SMAD2: variants seen among roughly 807,000 people sequenced by gnomAD.
The protein encoded by SMAD2 is MAD homolog 2.
In SMAD2, 8 loss-of-function variants were observed where a neutral mutation model predicts 64.4. The ratio of observed to expected loss-of-function variants is 0.12; its 90% CI spans 0.07 to 0.22. The LOEUF (loss-of-function observed/expected upper bound fraction) is 0.22, where lower values mean the gene tolerates loss of function less well. Ranked by LOEUF, SMAD2 falls within the 10% of genes least tolerant of loss-of-function variation. The pLI is 1.00. For missense variants in SMAD2, 289 were observed against 561.2 expected, an observed-to-expected ratio of 0.51 and a Z score of 4.90; for synonymous variants, 203 against 195.8, an observed-to-expected ratio of 1.04 and a Z score of -0.31.
At chr18:47,850,291 G>A (rs1293280691) in intron 7 of SMAD2, among the ~76,000 whole-genome samples, 2 of 42,136 alleles carry the variant, frequency 4.7e-5, no homozygotes, top group Non-Finnish European at 7.5e-5. Context: ...TATATATTAT[G>A]TATAATATAT....
In SMAD2 at chr18:47,824,279, G is replaced by T. The variant is rs115597957; in HGVS notation, c.*17548C>A. 222 of 152,274 alleles carry T rather than the reference G, an allele frequency of 1.5e-3. No individual in the cohort carries two copies. The highest frequency in any genetic ancestry group is 5.0e-3 in the African/African-American group (208 of 41,536). The allele number at this position is 152,274 out of a possible 1,614,324, so 9.4% of individuals were successfully genotyped here. A position where few individuals can be genotyped will look rare whatever the true frequency, so the allele number is the denominator to read the frequency against. ...AAGTCCATGAAGAGAGGGATTTTAC[G>T]CACTACCTCAAAGACCCAGAAGAAA... On this transcript the variant is annotated 3_prime_UTR_variant, in exon 11 of 11. Transcript: ENST00000262160.
chr18:47,896,784 T>G lies in SMAD2; in HGVS notation c.-28A>C. On this transcript the variant is annotated 5_prime_UTR_variant, in exon 2 of 11. Transcript: ENST00000262160. ...TCTTACCAAAGGCAGCAAGCCACGC[T>G]AGGAAAACAGCCTCTTGTATCGAAC... 1 of 1,608,808 alleles carries G rather than the reference T, an allele frequency of 6.2e-7. No homozygotes were observed. Among genetic ancestry groups the G allele is most frequent in the African/African-American group, 1.3e-5 (1 of 74,892 alleles).
chr18:47,873,617 T>A (rs1224467795), intron 2 of SMAD2, among the ~76,000 whole-genome samples: 1 of 152,224 alleles, frequency 6.6e-6, no homozygotes, highest in East Asian at 1.9e-4. Flanking sequence ...CTAATTCCAG[T>A]AATGGCAGAG....
chr18:47,853,585 A>G lies in SMAD2; in HGVS notation c.731-2258T>C, dbSNP rs868398015. On this transcript the variant is annotated intron_variant, in intron 6 of 10. Transcript: ENST00000262160. Reference sequence around the variant, plus strand: ...CCATCTTACACACCTCCTCCCTACCACACACTATTATAACCATGACATAAA... The same window carrying G: ...CCATCTTACACACCTCCTCCCTACCGCACACTATTATAACCATGACATAAA... 4.5e-4 allele frequency: 78 copies of G among 172,818 alleles called. 2 individuals carry two copies. The highest frequency in any genetic ancestry group is 2.3e-3 in the Middle Eastern group (1 of 436). The allele number at this position is 172,818 out of a possible 1,614,324, so 10.7% of individuals were successfully genotyped here.
intron 1 of SMAD2, among the ~76,000 whole-genome samples, chr18:47,908,790 G>A (rs1214423464): frequency 6.6e-6 from 1 of 152,172 alleles, no homozygotes; most frequent in Non-Finnish European, 1.5e-5. Context: ...CTCTGCATGA[G>A]CAGTTCTTCT....
rs1913082858 is a variant in SMAD2, at chr18:47,833,184, A to C, written c.*8643T>G. 1 of 207,814 alleles carries C rather than the reference A, an allele frequency of 4.8e-6. No homozygotes were observed. The highest frequency in any genetic ancestry group is 9.8e-6 in the Non-Finnish European group (1 of 101,548). 12.9% of individuals were successfully genotyped at this position (207,814 alleles called of 1,614,324 possible). The stretch of plus-strand genomic sequence containing the variant: ...TGACAGGGCTGTTAACACAGGTAAG[A>C]GCAAACAAGGTAAAAAGTGAAAGCA... On this transcript the variant is annotated 3_prime_UTR_variant, in exon 11 of 11. Transcript: ENST00000262160.
chr18:47,831,705 T>C lies in SMAD2; in HGVS notation c.*10122A>G, dbSNP rs1408607088. The C allele has an allele frequency of 2.0e-5, 3 of 152,258 alleles. No homozygotes were observed. The East Asian group carries it at 5.8e-4, about 29-fold the overall frequency. 9.4% of individuals were successfully genotyped at this position (152,258 alleles called of 1,614,324 possible). On this transcript the variant is annotated 3_prime_UTR_variant, in exon 11 of 11. Coordinates refer to ENST00000262160, the MANE Select transcript of SMAD2 (RefSeq NM_005901.6). ...CTGTTATCTGCTAAGTCTGATTCAA[T>C]GTTCTTGCCTTCTATTAATGTGATT...
rs1360491274 is a variant in SMAD2, at chr18:47,817,925, A to T, written c.*23902T>A. On this transcript the variant is annotated 3_prime_UTR_variant, in exon 11 of 11. Coordinates refer to ENST00000262160, the MANE Select transcript of SMAD2 (RefSeq NM_005901.6). Reference sequence around the variant, plus strand: ...GATTTACAGAATTTTCTTTGCTCTTAAGAGATTGAGAAGAAACAAAATGGA... The same window carrying T: ...GATTTACAGAATTTTCTTTGCTCTTTAGAGATTGAGAAGAAACAAAATGGA... The T allele has an allele frequency of 6.6e-6, 1 of 152,268 alleles. No individual in the cohort carries two copies. The highest frequency in any genetic ancestry group is 2.4e-5 in the African/African-American group (1 of 41,476). The allele number at this position is 152,268 out of a possible 1,614,324, so 9.4% of individuals were successfully genotyped here. A position where few individuals can be genotyped will look rare whatever the true frequency, so the allele number is the denominator to read the frequency against.
At chr18:47,889,935 T>C (rs2033110633) in intron 2 of SMAD2, among the ~76,000 whole-genome samples, 1 of 152,222 alleles carries the variant, frequency 6.6e-6, no homozygotes, top group Admixed American at 6.5e-5. Context: ...AGGTGTTACA[T>C]GATAAAATTA....
chr18:47,886,391 A>G (rs1395407579), intron 2 of SMAD2, among the ~76,000 whole-genome samples: 3 of 152,220 alleles, frequency 2.0e-5, no homozygotes, highest in Non-Finnish European at 4.4e-5. Context: ...TGCAAATTAT[A>G]TAAGGCATCA....
At chr18:47,902,900 T>C (rs528096226) in intron 1 of SMAD2, among the ~76,000 whole-genome samples, 54 of 152,228 alleles carry the variant, frequency 3.5e-4, no homozygotes, top group Admixed American at 1.7e-3. Flanking sequence ...GAAACCAGCC[T>C]ACATGCACAC....
rs1018108343 is a variant in SMAD2, at chr18:47,810,971, G to A, written c.*30856C>T. 2 of 152,264 alleles carry A rather than the reference G, an allele frequency of 1.3e-5. No individual in the cohort carries two copies. The highest frequency in any genetic ancestry group is 3.4e-3 in the Middle Eastern group (1 of 294). The allele number at this position is 152,264 out of a possible 1,614,324, so 9.4% of individuals were successfully genotyped here. A position where few individuals can be genotyped will look rare whatever the true frequency, so the allele number is the denominator to read the frequency against. Reference sequence around the variant, plus strand: ...TCTGAAGACAGTAATTATTAGCCTCGAAGTTTTCTGTTGGCATGAGCACTA... The same window carrying A: ...TCTGAAGACAGTAATTATTAGCCTCAAAGTTTTCTGTTGGCATGAGCACTA... On this transcript the variant is annotated 3_prime_UTR_variant, in exon 11 of 11. Coordinates refer to ENST00000262160, the MANE Select transcript of SMAD2 (RefSeq NM_005901.6).
At chr18:47,873,737 G>T (rs1044577665) in intron 2 of SMAD2, among the ~76,000 whole-genome samples, 4 of 152,138 alleles carry the variant, frequency 2.6e-5, no homozygotes, top group Admixed American at 1.3e-4. Context: ...AAAGCTGAAG[G>T]GAGGTCCAAC....
At chr18:47,907,085 T>C (rs1484250529) in intron 1 of SMAD2, among the ~76,000 whole-genome samples, 1 of 152,144 alleles carries the variant, frequency 6.6e-6, no homozygotes, top group Non-Finnish European at 1.5e-5. Flanking sequence ...AGAACATTCA[T>C]AAACTGCTGA....
chr18:47,915,692 C>T (rs964260901), intron 1 of SMAD2, among the ~76,000 whole-genome samples: 2 of 152,136 alleles, frequency 1.3e-5, no homozygotes, highest in African/African-American at 4.8e-5. Flanking sequence ...CTGAGGGTCG[C>T]GAACCGTGAG....
chr18:47,883,433 A>C (rs1330308308), intron 2 of SMAD2, among the ~76,000 whole-genome samples: 1 of 152,234 alleles, frequency 6.6e-6, no homozygotes, highest in Non-Finnish European at 1.5e-5. Context: ...GTTACCATGA[A>C]CACTTGAAAC....
At chr18:47,920,933 T>C (rs943011398) in intron 1 of SMAD2, among the ~76,000 whole-genome samples, 1 of 152,128 alleles carries the variant, frequency 6.6e-6, no homozygotes, top group Non-Finnish European at 1.5e-5. Flanking sequence ...GGCAGGCAAA[T>C]CGCTTGAGCC....
At chr18:47,871,827 C>T (rs2031950474) in intron 2 of SMAD2, among the ~76,000 whole-genome samples, 1 of 152,078 alleles carries the variant, frequency 6.6e-6, no homozygotes, top group Non-Finnish European at 1.5e-5. Context: ...CTATTGGAAA[C>T]ATATAGCATG....
chr18:47,924,899 TAAACATAGGCAA>T (rs943649537), intron 1 of SMAD2, among the ~76,000 whole-genome samples: 6 of 152,260 alleles, frequency 3.9e-5, no homozygotes, highest in Admixed American at 6.5e-5. Flanking sequence ...AGTTTACTTT[TAAACATAGGCAA>T]ACTATAAGAT....
Sources: allele counts gnomAD v4.1 joint callset (sites outside exome capture counted in the v4.1 genomes callset), GRCh38; gene constraint gnomAD v4.1.1; transcripts MANE v1.5; gene names NCBI Gene and HGNC (gene_info 2026-07-23, HGNC 2026-07-21).